The following SPIDR variants were observed in gnomAD, a reference collection of about 807,000 sequenced individuals.
SPIDR encodes the protein DNA repair-scaffolding protein.
In SPIDR, 93 loss-of-function variants were observed where a neutral mutation model predicts 104.6. The observed-to-expected ratio is 0.89, with a 90% CI of 0.75 to 1.06. SPIDR has a LOEUF of 1.06. Ranked by LOEUF, SPIDR falls within the 50% of genes least tolerant of loss-of-function variation. The pLI is 0.00. For missense variants in SPIDR, 1,154 were observed against 1,111.2 expected (o/e 1.04, Z -0.55); for synonymous variants, 431 against 416.9 (o/e 1.03, Z -0.41).
chr8:47,572,651 G>GGA (rs2058659462), intron 8 of SPIDR, among the ~76,000 whole-genome samples: 2 of 138,612 alleles, frequency 1.4e-5, no homozygotes, highest in African/African-American at 5.1e-5. Flanking sequence ...GACAGAGCAA[G>GGA]ACTCCATCTC....
At chr8:47,339,729 GA>G (rs2050386617) in intron 5 of SPIDR, among the ~76,000 whole-genome samples, 1 of 149,284 alleles carries the variant, frequency 6.7e-6, no homozygotes, top group South Asian at 2.1e-4. Context: ...GCCTGGACTG[GA>G]GTGCAATGGT....
intron 8 of SPIDR, among the ~76,000 whole-genome samples, chr8:47,533,991 G>C (rs191605202): frequency 1.4e-4 from 22 of 152,318 alleles, no homozygotes. Flanking sequence ...TCAAGGGCGG[G>C]ACCAGGTGGA....
At chr8:47,408,514 A>G (rs1028477893) in intron 7 of SPIDR, among the ~76,000 whole-genome samples, 11 of 152,230 alleles carry the variant, frequency 7.2e-5, no homozygotes, top group Non-Finnish European at 1.6e-4. Context: ...TTTAGCTTAT[A>G]TAATCAAAAC....
intron 8 of SPIDR, among the ~76,000 whole-genome samples, chr8:47,574,958 A>T (rs752886029): frequency 6.6e-6 from 1 of 152,146 alleles, no homozygotes; most frequent in Middle Eastern, 3.4e-3. Context: ...AATAATTACT[A>T]TGATGTTTCT....
chr8:47,562,003 A>G (rs541087264), intron 8 of SPIDR, among the ~76,000 whole-genome samples: 6 of 152,316 alleles, frequency 3.9e-5, no homozygotes, highest in East Asian at 3.9e-4. Context: ...TCCTTTTCCA[A>G]TCTTTCCAAG....
chr8:47,449,036 G>C (rs2071213680), intron 8 of SPIDR, among the ~76,000 whole-genome samples: 2 of 152,074 alleles, frequency 1.3e-5, no homozygotes, highest in African/African-American at 4.8e-5. Flanking sequence ...AGGATGACTG[G>C]GGGTGGAAGG....
intron 8 of SPIDR, among the ~76,000 whole-genome samples, chr8:47,529,340 C>G (rs113137184): frequency 2.0e-5 from 3 of 152,126 alleles, no homozygotes; most frequent in African/African-American, 7.2e-5. Flanking sequence ...ATCGTTTGAG[C>G]CCAGGAGGTG....
intron 11 of SPIDR, among the ~76,000 whole-genome samples, chr8:47,684,357 G>T (rs1053929581): frequency 5.9e-5 from 9 of 152,092 alleles, no homozygotes; most frequent in Non-Finnish European, 1.0e-4. Flanking sequence ...TACTCAAGGG[G>T]ACTTGCTGGT....
intron 5 of SPIDR, among the ~76,000 whole-genome samples, chr8:47,382,303 T>C (rs1323937464): frequency 6.6e-6 from 1 of 152,220 alleles, no homozygotes; most frequent in Non-Finnish European, 1.5e-5. Context: ...AAGAAGTTTT[T>C]CTGAACATTT....
intron 19 of SPIDR, among the ~76,000 whole-genome samples, 196 bp from the exon 20 acceptor site, chr8:47,735,111 G>GGTGGGTGT (rs756347965): frequency 7.4e-6 from 1 of 135,182 alleles, no homozygotes; most frequent in Non-Finnish European, 1.6e-5. Flanking sequence ...TGTGTGTGTG[G>GGTGGGTGT]GTGTGTGTGT....
At chr8:47,424,858 T>A (rs2066166190) in intron 7 of SPIDR, among the ~76,000 whole-genome samples, 1 of 152,064 alleles carries the variant, frequency 6.6e-6, no homozygotes, top group South Asian at 2.1e-4. Context: ...GCCTTCTGAG[T>A]ATGCTGGGAT....
At chr8:47,539,330 T>A (rs746884485) in intron 8 of SPIDR, among the ~76,000 whole-genome samples, 4 of 152,166 alleles carry the variant, frequency 2.6e-5, no homozygotes, top group Non-Finnish European at 5.9e-5. Context: ...CTTTCTTACA[T>A]CATTAAAAGG....
chr8:47,735,354 T>C lies in SPIDR; in HGVS notation c.2652T>C (p.Asn884=). ...TCGGAAAGGAAGTGGGGTTGTTAAA[T>C]TGTTTTGTCCAGTCCGTAACCGCCC... is the stretch of plus-strand genomic sequence containing the variant. ...SVLGKEVGLL[N]CFVQSVTAHP... Residue 884 remains asparagine (N), a synonymous_variant, in exon 20 of 20, where the codon AAT becomes AAC. Coordinates refer to ENST00000297423, the MANE Select transcript of SPIDR (RefSeq NM_001080394.4). 1.9e-6 allele frequency: 3 copies of C among 1,613,938 alleles called. No individual in the cohort carries two copies. Among genetic ancestry groups the C allele is most frequent in the Non-Finnish European group, 2.5e-6 (3 of 1,179,992 alleles).
At position 47,701,956 on chromosome 8, in the gene SPIDR, A is replaced by G; in HGVS notation, c.1918A>G (p.Met640Val). Reference protein sequence around the residue: ...VTRCLRDILQMNDLGTRCSFY... With the variant: ...VTRCLRDILQVNDLGTRCSFY... ...CCAACCTTTTCTAATTCCTTTCCAG[A>G]TGAATGATCTTGGTACCCGTTGCAG... is the stretch of plus-strand genomic sequence containing the variant. The change falls in exon 14 of 20, where the codon ATG becomes GTG. Residue 640 changes from methionine (M) to valine (V), a missense_variant and splice_region_variant. Coordinates refer to ENST00000297423, the MANE Select transcript of SPIDR (RefSeq NM_001080394.4). 6.2e-7 allele frequency: 1 copy of G among 1,614,028 alleles called. No individual in the cohort carries two copies. Among genetic ancestry groups the G allele is most frequent in the East Asian group, 2.2e-5 (1 of 44,866 alleles).
At chr8:47,386,476 A>G (rs1554648289) in intron 5 of SPIDR, among the ~76,000 whole-genome samples, 3 of 152,292 alleles carry the variant, frequency 2.0e-5, no homozygotes, top group Non-Finnish European at 4.4e-5. Flanking sequence ...TCACTGAGGA[A>G]ATCAGGTGTG....
chr8:47,674,611 G>A (rs2076193466), intron 11 of SPIDR, among the ~76,000 whole-genome samples: 1 of 152,106 alleles, frequency 6.6e-6, no homozygotes, highest in Non-Finnish European at 1.5e-5. Context: ...TGTTATTTTA[G>A]CTCTCTTGTT....
intron 5 of SPIDR, among the ~76,000 whole-genome samples, chr8:47,367,636 G>A (rs546273619): frequency 6.6e-6 from 1 of 152,276 alleles, no homozygotes; most frequent in Non-Finnish European, 1.5e-5. Context: ...AAGTTAAATG[G>A]TTGGTAAGAA....
chr8:47,333,039 C>T (rs1406949651), intron 5 of SPIDR, among the ~76,000 whole-genome samples: 3 of 150,996 alleles, frequency 2.0e-5, no homozygotes, highest in African/African-American at 7.4e-5. Context: ...CTTTTGTTGC[C>T]ATTGCTTTTG....
Position 47,508,291 on chromosome 8 carries a change from A to G in SPIDR, c.1097+67749A>G, listed in dbSNP as rs564845191. On this transcript the variant is annotated intron_variant, in intron 8 of 19. Transcript: ENST00000297423. ...AGCTTTCTGTTTTCCTGCTATTGGGATAGGAAAACACGTACATGCAAACAC... is the reference window on the plus strand; with the variant it reads ...AGCTTTCTGTTTTCCTGCTATTGGGGTAGGAAAACACGTACATGCAAACAC... 1.1e-3 allele frequency among the ~76,000 whole-genome samples: 161 copies of G among 152,298 alleles called. 3 individuals are homozygous for G. Among genetic ancestry groups the G allele is most frequent in the African/African-American group, 1.7e-3 (70 of 41,562 alleles).
Sources: gnomAD v4.1 joint callset for allele counts (sites outside exome capture counted in the v4.1 genomes callset) on GRCh38, gnomAD v4.1.1 for gene constraint, MANE v1.5 for transcripts, NCBI Gene and HGNC (gene_info 2026-07-23, HGNC 2026-07-21) for gene names.